Variants in ELMO1 observed in about 807,000 individuals in gnomAD.
ELMO1 encodes engulfment and cell motility 1.
In ELMO1, 26 loss-of-function variants were observed where a neutral mutation model predicts 98.9. The observed-to-expected ratio is 0.26, with a 90% CI of 0.19 to 0.36. ELMO1 has a LOEUF of 0.36. ELMO1 is among the 10% of genes least tolerant of loss of function. The probability of loss-of-function intolerance (pLI) is 1.00; values close to 1 mark genes in which losing one functional copy is unlikely to be tolerated. For synonymous variants in ELMO1, 346 were observed against 346.0 expected (o/e 1.00, Z 0.00); for missense variants, 627 against 935.2 (o/e 0.67, Z 4.30).
In ELMO1 at chr7:37,148,431, G is replaced by T. The variant is rs150542109; in HGVS notation, c.1087-15197C>A. 5.8e-3 allele frequency among the ~76,000 whole-genome samples: 888 copies of T among 152,228 alleles called. 1 individual carries two copies. Among genetic ancestry groups the T allele is most frequent in the Non-Finnish European group, 8.4e-3 (574 of 68,026 alleles). ...CTTAGAAAAGGCCGTGTACTGCCAG[G>T]TATGTAATTCATGAAAATCTGAATT... On this transcript the variant is annotated intron_variant, in intron 13 of 21. Coordinates refer to ENST00000310758, the MANE Select transcript of ELMO1 (RefSeq NM_014800.11).
rs1802052242 is a variant in ELMO1, at chr7:36,854,489, A to G, written c.*1062T>C. ...TATGTATCTCTTCTTTTCATTAAATATATATCTGTTTGGCAAAAAATGTTA... is the reference window on the plus strand; with the variant it reads ...TATGTATCTCTTCTTTTCATTAAATGTATATCTGTTTGGCAAAAAATGTTA... On this transcript the variant is annotated 3_prime_UTR_variant, in exon 22 of 22. Coordinates refer to ENST00000310758, the MANE Select transcript of ELMO1 (RefSeq NM_014800.11). The G allele has an allele frequency of 6.6e-6, 1 of 152,074 alleles. No individual in the cohort carries two copies. Among genetic ancestry groups the G allele is most frequent in the Non-Finnish European group, 1.5e-5 (1 of 67,948 alleles). 9.4% of individuals were successfully genotyped at this position (152,074 alleles called of 1,614,324 possible). A position where few individuals can be genotyped will look rare whatever the true frequency, so the allele number is the denominator to read the frequency against.
intron 16 of ELMO1, among the ~76,000 whole-genome samples, chr7:36,965,505 G>A (rs1789344397): frequency 6.6e-6 from 1 of 152,144 alleles, no homozygotes; most frequent in African/African-American, 2.4e-5. Context: ...TTGCCGAGAT[G>A]CTCAACCTGG....
chr7:37,131,487 A>G (rs1786914171), intron 14 of ELMO1, among the ~76,000 whole-genome samples: 1 of 152,216 alleles, frequency 6.6e-6, no homozygotes, highest in African/African-American at 2.4e-5. Flanking sequence ...TTAACAATAC[A>G]TTCAGCATCA....
intron 15 of ELMO1, among the ~76,000 whole-genome samples, chr7:37,040,205 C>T (rs894080693): frequency 6.6e-6 from 1 of 152,112 alleles, no homozygotes; most frequent in Admixed American, 6.5e-5. Context: ...TTTAGAGAGA[C>T]AGGTGTTCAA....
chr7:37,422,909 C>T, intron 1 of ELMO1, among the ~76,000 whole-genome samples: 1 of 152,348 alleles, frequency 6.6e-6, no homozygotes, highest in East Asian at 1.9e-4. Context: ...TTGGCCGCAG[C>T]CCATGAGCCA....
At chr7:37,436,461 A>T (rs1805147603) in intron 1 of ELMO1, among the ~76,000 whole-genome samples, 1 of 152,228 alleles carries the variant, frequency 6.6e-6, no homozygotes, top group African/African-American at 2.4e-5. Flanking sequence ...CAAGGTGGAG[A>T]CCAAAAGTTA....
intron 14 of ELMO1, among the ~76,000 whole-genome samples, chr7:37,115,904 G>C: frequency 6.6e-6 from 1 of 152,120 alleles, no homozygotes; most frequent in Non-Finnish European, 1.5e-5. Context: ...GCAAGATATT[G>C]GCTTATCAAT....
At chr7:37,188,171 C>T (rs1210335573) in intron 13 of ELMO1, among the ~76,000 whole-genome samples, 2 of 152,030 alleles carry the variant, frequency 1.3e-5, no homozygotes, top group African/African-American at 2.4e-5. Context: ...AGTTTAAAAG[C>T]ACCATCACCA....
At position 37,000,294 on chromosome 7, in the gene ELMO1, A is replaced by G. The variant is rs111369212; in HGVS notation, c.1437+13005T>C. Reference sequence around the variant, plus strand: ...AGAATCCCGTGCTCTGTGATTCACAAAATGGAAATCTGGCATTATATGCCA... The same window carrying G: ...AGAATCCCGTGCTCTGTGATTCACAGAATGGAAATCTGGCATTATATGCCA... On this transcript the variant is annotated intron_variant, in intron 16 of 21. Coordinates refer to ENST00000310758, the MANE Select transcript of ELMO1 (RefSeq NM_014800.11). 3.9e-4 allele frequency among the ~76,000 whole-genome samples: 59 copies of G among 152,348 alleles called. 1 individual carries two copies. The highest frequency in any genetic ancestry group is 1.4e-3 in the African/African-American group (58 of 41,574).
chr7:37,279,552 C>T (rs965391511), intron 4 of ELMO1, among the ~76,000 whole-genome samples: 155 of 152,254 alleles, frequency 1.0e-3, no homozygotes, highest in African/African-American at 3.5e-3. Flanking sequence ...CCCTCTTCTC[C>T]GAAAACACAC....
intron 4 of ELMO1, among the ~76,000 whole-genome samples, chr7:37,307,823 A>G (rs964250311): frequency 5.9e-5 from 9 of 152,190 alleles, no homozygotes; most frequent in Non-Finnish European, 8.8e-5. Context: ...TTTTAAAACA[A>G]CCATGCAGCT....
chr7:37,093,754 A>G (rs2129252858), intron 15 of ELMO1, among the ~76,000 whole-genome samples: 1 of 152,356 alleles, frequency 6.6e-6, no homozygotes, highest in East Asian at 1.9e-4. Context: ...ACAATCCTTA[A>G]TATTTTATGA....
At chr7:37,417,683 C>CACACACACACACAA (rs753914608) in intron 1 of ELMO1, among the ~76,000 whole-genome samples, 5 of 146,210 alleles carry the variant, frequency 3.4e-5, no homozygotes, top group African/African-American at 5.1e-5. Context: ...CACACACACA[C>CACACACACACACAA]AAGCAAAAAT....
chr7:37,191,633 G>A (rs558256567), intron 13 of ELMO1, among the ~76,000 whole-genome samples: 1 of 152,206 alleles, frequency 6.6e-6, no homozygotes, highest in African/African-American at 2.4e-5. Context: ...ATGTTATCTG[G>A]CATCGGCCGG....
intron 2 of ELMO1, among the ~76,000 whole-genome samples, chr7:37,319,491 A>C (rs2131126988): frequency 1.3e-5 from 2 of 152,158 alleles, no homozygotes; most frequent in South Asian, 4.2e-4. Context: ...CGTACACCCC[A>C]ATCTCATCAC....
In ELMO1 at chr7:37,292,983, G is replaced by A. The variant is rs1315220170; in HGVS notation, c.193-21101C>T. On this transcript the variant is annotated intron_variant, in intron 4 of 21. Coordinates refer to ENST00000310758, the MANE Select transcript of ELMO1 (RefSeq NM_014800.11). Reference sequence around the variant, plus strand: ...AAGTGAGGGGCGCCTCTGCCCGGCCGCCCCTACTGGGAAGTGAGGAGCCAC... The same window carrying A: ...AAGTGAGGGGCGCCTCTGCCCGGCCACCCCTACTGGGAAGTGAGGAGCCAC... Among the ~76,000 whole-genome samples the A allele has an allele frequency of 1.1e-4, 6 of 53,668 alleles. 1 individual carries two copies. Among genetic ancestry groups the A allele is most frequent in the Admixed American group, 4.9e-4 (2 of 4,062 alleles). The allele number at this position is 53,668 out of a possible 152,430, so 35.2% of individuals were successfully genotyped here.
intron 4 of ELMO1, among the ~76,000 whole-genome samples, chr7:37,309,910 G>C (rs1468349143): frequency 6.6e-6 from 1 of 152,200 alleles, no homozygotes; most frequent in Non-Finnish European, 1.5e-5. Flanking sequence ...CTTACTTACA[G>C]CTGGATCTAC....
rs145957952 is a variant in ELMO1, at chr7:37,180,918, G to T, written c.1086+30468C>A. On this transcript the variant is annotated intron_variant, in intron 13 of 21. Coordinates refer to ENST00000310758, the MANE Select transcript of ELMO1 (RefSeq NM_014800.11). ...CAACAGTGAATATATCTGGTGGAAG[G>T]TTATGCAGAGTTCCTTGTACAATTC... 1.0e-3 allele frequency among the ~76,000 whole-genome samples: 157 copies of T among 152,086 alleles called. 1 individual carries two copies. The highest frequency in any genetic ancestry group is 3.3e-3 in the African/African-American group (138 of 41,462).
intron 13 of ELMO1, chr7:37,197,068 C>T (rs921078786): frequency 2.0e-5 from 3 of 152,216 alleles, no homozygotes; most frequent in African/African-American, 4.8e-5. Flanking sequence ...ACAGGAATAA[C>T]AAGAAAGCAA....
Sources: allele counts gnomAD v4.1 joint callset (sites outside exome capture counted in the v4.1 genomes callset), GRCh38; gene constraint gnomAD v4.1.1; transcripts MANE v1.5; gene names NCBI Gene and HGNC (gene_info 2026-07-23, HGNC 2026-07-21).